The following VANGL1 variants were observed in gnomAD, a reference collection of about 807,000 sequenced individuals.
VANGL1 encodes vang-like protein 1.
A neutral mutation model predicts 48.4 loss-of-function variants in VANGL1; 18 were observed. The observed-to-expected ratio is 0.37, with a 90% CI of 0.26 to 0.55. The LOEUF is 0.55. Ranked by LOEUF, VANGL1 falls within the 20% of genes least tolerant of loss-of-function variation. The pLI is 0.81. For synonymous variants in VANGL1, 257 were observed against 261.8 expected (o/e 0.98, Z 0.18); for missense variants, 667 against 675.8 (o/e 0.99, Z 0.14).
chr1:115,684,081 A>T lies in VANGL1; in HGVS notation c.1079+5A>T. On this transcript the variant is annotated splice_donor_5th_base_variant and intron_variant, in intron 6 of 7. Transcript: ENST00000355485. ...AGTAAAGAAGCGGAAAGCAAGGTAT[A>T]CTGCCCTCCTGATGCCAGTACCCTC... is the stretch of plus-strand genomic sequence containing the variant. The T allele has an allele frequency of 6.2e-7, 1 of 1,613,122 alleles. No individual in the cohort carries two copies. The highest frequency in any genetic ancestry group is 1.1e-5 in the South Asian group (1 of 91,064).
chr1:115,665,776 C>T (rs1281534519), intron 4 of VANGL1, among the ~76,000 whole-genome samples: 2 of 152,232 alleles, frequency 1.3e-5, no homozygotes, highest in Non-Finnish European at 2.9e-5. Flanking sequence ...GCATATTCAT[C>T]TCAGAAGGCT....
chr1:115,685,247 T>C, intron 6 of VANGL1, 46 bp from the exon 7 acceptor site: 5 of 1,605,510 alleles, frequency 3.1e-6, no homozygotes, highest in Non-Finnish European at 3.4e-6. Flanking sequence ...TCTCACACCC[T>C]GTGGCAGGCA....
At chr1:115,686,234 T>C (rs1653611619) in intron 7 of VANGL1, among the ~76,000 whole-genome samples, 1 of 152,010 alleles carries the variant, frequency 6.6e-6, no homozygotes, top group Admixed American at 6.6e-5. Flanking sequence ...ACAGTACCTG[T>C]CATATGATGA....
At chr1:115,648,461 T>C (rs1228960166) in intron 1 of VANGL1, among the ~76,000 whole-genome samples, 3 of 152,108 alleles carry the variant, frequency 2.0e-5, no homozygotes, top group African/African-American at 4.8e-5. Flanking sequence ...GATAAAGCCT[T>C]TCCCTGGAGG....
intron 4 of VANGL1, among the ~76,000 whole-genome samples, chr1:115,672,059 T>G (rs1026745591): frequency 6.6e-6 from 1 of 152,182 alleles, no homozygotes; most frequent in African/African-American, 2.4e-5. Context: ...TACTTCTGGT[T>G]CTCACAAACT....
chr1:115,647,596 G>A (rs759563889), intron 1 of VANGL1, among the ~76,000 whole-genome samples: 2 of 152,170 alleles, frequency 1.3e-5, no homozygotes, highest in Non-Finnish European at 2.9e-5. Context: ...TATTAGAAAC[G>A]GTATGACTTA....
chr1:115,672,606 A>G (rs1033257142), intron 4 of VANGL1, among the ~76,000 whole-genome samples: 2 of 152,190 alleles, frequency 1.3e-5, no homozygotes, highest in Non-Finnish European at 2.9e-5. Flanking sequence ...GTGCAGTTTA[A>G]ACCAGACCTG....
chr1:115,651,946 G>A (rs1011349078), intron 2 of VANGL1, among the ~76,000 whole-genome samples: 8 of 152,070 alleles, frequency 5.3e-5, no homozygotes, highest in Admixed American at 1.3e-4. Context: ...TAGTAGAGAC[G>A]GGGTTTCACC....
intron 4 of VANGL1, among the ~76,000 whole-genome samples, chr1:115,675,821 G>C (rs1653139673): frequency 6.6e-6 from 1 of 152,026 alleles, no homozygotes; most frequent in Non-Finnish European, 1.5e-5. Context: ...AAAAACAATT[G>C]GTATATGGAT....
rs59396489 is a variant in VANGL1 at position 115,663,052 on chromosome 1, G to A, written c.205-609G>A. On this transcript the variant is annotated intron_variant, in intron 3 of 7. Transcript: ENST00000355485. Reference sequence around the variant, plus strand: ...CGTCCGCCTCGGCCTTCCAAAGTACGGGGATTACAGGTGTGAGCCACCGCG... The same window carrying A: ...CGTCCGCCTCGGCCTTCCAAAGTACAGGGATTACAGGTGTGAGCCACCGCG... 2.2e-3 allele frequency among the ~76,000 whole-genome samples: 334 copies of A among 152,196 alleles called. 1 individual carries two copies. The highest frequency in any genetic ancestry group is 5.2e-3 in the African/African-American group (215 of 41,520).
At chr1:115,679,377 C>T (rs1374251754) in intron 4 of VANGL1, among the ~76,000 whole-genome samples, 2 of 152,240 alleles carry the variant, frequency 1.3e-5, no homozygotes, top group Non-Finnish European at 2.9e-5. Context: ...TGGCATCCCA[C>T]AGTACCCGCC....
intron 4 of VANGL1, among the ~76,000 whole-genome samples, chr1:115,679,777 G>A (rs1570766637): frequency 6.6e-6 from 1 of 152,182 alleles, no homozygotes; most frequent in South Asian, 2.1e-4. Flanking sequence ...TTTAAATTTA[G>A]ATCAGGGTAA....
chr1:115,681,650 G>C (rs1039869581), intron 4 of VANGL1, among the ~76,000 whole-genome samples: 4 of 151,996 alleles, frequency 2.6e-5, no homozygotes, highest in African/African-American at 7.3e-5. Context: ...GGGATTACAG[G>C]TGCATGCCAC....
Position 115,697,004 on chromosome 1 carries a change from G to C in VANGL1, c.*5625G>C, listed in dbSNP as rs939445166. 2 of 152,206 alleles carry C rather than the reference G, an allele frequency of 1.3e-5. No individual in the cohort carries two copies. The highest frequency in any genetic ancestry group is 4.8e-5 in the African/African-American group (2 of 41,466). 9.4% of individuals were successfully genotyped at this position (152,206 alleles called of 1,614,324 possible). A position where few individuals can be genotyped will look rare whatever the true frequency, so the allele number is the denominator to read the frequency against. On this transcript the variant is annotated 3_prime_UTR_variant, in exon 8 of 8. Coordinates refer to ENST00000355485, the MANE Select transcript of VANGL1 (RefSeq NM_138959.3). ...TTTGAATGTACAGTTGTTTGGTTTT[G>C]TATGTGCTTATCTTTATCTGAGCTT...
At chr1:115,673,085 A>G (rs1268842478) in intron 4 of VANGL1, among the ~76,000 whole-genome samples, 5 of 152,214 alleles carry the variant, frequency 3.3e-5, no homozygotes, top group African/African-American at 9.7e-5. Context: ...AGTTCTCTCA[A>G]AGACCTAGGT....
At chr1:115,686,680 C>G (rs1653647961) in intron 7 of VANGL1, among the ~76,000 whole-genome samples, 1 of 152,038 alleles carries the variant, frequency 6.6e-6, no homozygotes, top group African/African-American at 2.4e-5. Flanking sequence ...GTGCTAAATA[C>G]TGTAATCTAA....
chr1:115,664,338 C>A, intron 4 of VANGL1, 70 bp downstream of exon 4: 1 of 1,567,544 alleles, frequency 6.4e-7, no homozygotes, highest in Non-Finnish European at 8.6e-7. Context: ...CTCTGTAGCA[C>A]GTGAGGGGTG....
At chr1:115,690,720 G>A (rs1653798701) in intron 7 of VANGL1, among the ~76,000 whole-genome samples, 1 of 152,222 alleles carries the variant, frequency 6.6e-6, no homozygotes, top group Non-Finnish European at 1.5e-5. Flanking sequence ...GCCCGACACA[G>A]CCCTGGCCCT....
intron 1 of VANGL1, among the ~76,000 whole-genome samples, chr1:115,646,458 C>G (rs897758461): frequency 1.7e-4 from 25 of 150,642 alleles, no homozygotes; most frequent in African/African-American, 6.1e-4. Context: ...GAACTCTGCC[C>G]CTGAGTGGGA....
Sources: allele counts gnomAD v4.1 joint callset (sites outside exome capture counted in the v4.1 genomes callset), GRCh38; gene constraint gnomAD v4.1.1; transcripts MANE v1.5; gene names NCBI Gene and HGNC (gene_info 2026-07-23, HGNC 2026-07-21).